The following ZFP30 variants were observed in gnomAD, a reference collection of about 807,000 sequenced individuals.
ZFP30 encodes zinc finger protein 30 homolog.
Under a neutral mutation model 12.3 loss-of-function variants are expected in ZFP30, and 16 were observed. The observed-to-expected ratio is 1.30, with a 90% confidence interval of 0.88 to 1.98. ZFP30 has a LOEUF of 1.98. ZFP30 is among the 30% of genes most tolerant of loss of function. ZFP30 has a pLI of 0.00. For synonymous variants in ZFP30, 172 were observed against 201.0 expected, an observed-to-expected ratio of 0.86 and a Z score of 1.22; for missense variants, 560 against 611.2, an observed-to-expected ratio of 0.92 and a Z score of 0.88.
At chr19:37,648,823 C>T (rs908943351) in intron 2 of ZFP30, among the ~76,000 whole-genome samples, 3 of 152,156 alleles carry the variant, frequency 2.0e-5, no homozygotes, top group Non-Finnish European at 4.4e-5. Context: ...CTCTCTGCTC[C>T]TTATTTTCCT....
intron 3 of ZFP30, among the ~76,000 whole-genome samples, chr19:37,647,220 C>A (rs775563739): frequency 3.6e-4 from 55 of 152,270 alleles, no homozygotes; most frequent in Middle Eastern, 6.8e-3. Context: ...AGATAAGGAG[C>A]ACACAAGAGA....
At chr19:37,640,361 T>A (rs1225211555) in intron 5 of ZFP30, among the ~76,000 whole-genome samples, 1 of 150,860 alleles carries the variant, frequency 6.6e-6, no homozygotes, top group Non-Finnish European at 1.5e-5. Context: ...CAAAAACATG[T>A]ATGTAAAATA....
In ZFP30 at chr19:37,654,713, G is replaced by A. The variant is rs190129078; in HGVS notation, c.-79C>T. 2 of 152,404 alleles carry A rather than the reference G, an allele frequency of 1.3e-5. No individual in the cohort carries two copies. The highest frequency in any genetic ancestry group is 1.3e-4 in the Admixed American group (2 of 15,300). The allele number at this position is 152,404 out of a possible 1,614,324, so 9.4% of individuals were successfully genotyped here. On this transcript the variant is annotated splice_region_variant and 5_prime_UTR_variant, in exon 2 of 6. Transcript: ENST00000684514. ...AACAAAGCAGCAGCACGAACTCACAGGGAACCGGCTTTTAGAAGAGCAGCA... is the reference window on the plus strand; with the variant it reads ...AACAAAGCAGCAGCACGAACTCACAAGGAACCGGCTTTTAGAAGAGCAGCA...
At position 37,635,448 on chromosome 19, in the gene ZFP30, G is replaced by T. The variant is rs530377100; in HGVS notation, c.1093C>A (p.Arg365Ser). 4.3e-6 allele frequency: 7 copies of T among 1,613,982 alleles called. No homozygotes were observed. Among genetic ancestry groups the T allele is most frequent in the African/African-American group, 1.3e-5 (1 of 74,918 alleles). Residue 365 changes from arginine (R) to serine (S), a missense_variant, in exon 6 of 6, where the codon CGT (arginine) becomes AGT (serine). Transcript: ENST00000684514. ...TGATGGAGAGTTAGATGATAGCCAC[G>T]ACTGAAAGTCTTCCCACATTCCTTA... ...DCKECGKTFS[R>S]GYHLTLHQRI...
intron 2 of ZFP30, among the ~76,000 whole-genome samples, chr19:37,649,830 AAAAG>A (rs1568387336): frequency 1.4e-5 from 1 of 70,898 alleles, no homozygotes; most frequent in African/African-American, 4.4e-5. Context: ...TCTTAAAAAA[AAAAG>A]AAAGAAAAGA....
chr19:37,650,454 A>G (rs1289370471), intron 2 of ZFP30, among the ~76,000 whole-genome samples: 1 of 152,162 alleles, frequency 6.6e-6, no homozygotes, highest in Non-Finnish European at 1.5e-5. Flanking sequence ...ACAAAAATTC[A>G]AAACAGCTAT....
At chr19:37,644,801 T>C (rs1029382796) in intron 3 of ZFP30, 65 bp from the exon 4 acceptor site, 5 of 1,529,278 alleles carry the variant, frequency 3.3e-6, no homozygotes, top group Non-Finnish European at 4.4e-6. Flanking sequence ...TGGAAGAAGG[T>C]GGCTGGGTGT....
chr19:37,650,347 C>T (rs2044624675), intron 2 of ZFP30, among the ~76,000 whole-genome samples: 2 of 152,152 alleles, frequency 1.3e-5, no homozygotes, highest in South Asian at 4.1e-4. Context: ...TCAAGTGATC[C>T]ACCTGCCTCC....
chr19:37,635,754 TCCTTTGATG>T lies in ZFP30; in HGVS notation c.778_786del (p.His260_Arg262del). The T allele has an allele frequency of 6.2e-7, 1 of 1,614,222 alleles. No individual in the cohort carries two copies. On this transcript the variant is annotated inframe_deletion, in exon 6 of 6. Coordinates refer to ENST00000684514, the MANE Select transcript of ZFP30 (RefSeq NM_001320669.3). The stretch of plus-strand genomic sequence containing the variant: ...TCATAGGGTTTCTCACCCGTGTGAA[TCCTTTGATG>T]GAGATTAAGTTGTCCTCTAACTCTA...
At chr19:37,654,432 C>G (rs2147298792) in intron 2 of ZFP30, among the ~76,000 whole-genome samples, 1 of 152,268 alleles carries the variant, frequency 6.6e-6, no homozygotes, top group South Asian at 2.1e-4. Flanking sequence ...ACATTAATCT[C>G]CAGCACGGGT....
rs748702099 is a variant in ZFP30, at chr19:37,636,252, C to T, written c.289G>A (p.Glu97Lys). ...KKLFQGKDIY[E>K]MNLSQWKVME... The stretch of plus-strand genomic sequence containing the variant: ...ACCTTCCACTGAGATAAGTTCATTT[C>T]ATAAATATCCTTTCCTTGAAATAAC... Residue 97 changes from glutamate to lysine, a missense_variant, in exon 6 of 6, where the codon GAA becomes AAA. By Grantham distance (56) the Glu-to-Lys change is moderately conservative (BLOSUM62 1). Transcript: ENST00000684514. 6 of 1,605,698 alleles carry T rather than the reference C, an allele frequency of 3.7e-6. No individual in the cohort carries two copies. The highest frequency in any genetic ancestry group is 5.1e-6 in the Non-Finnish European group (6 of 1,177,012).
chr19:37,648,771 C>T (rs765118793), intron 2 of ZFP30, among the ~76,000 whole-genome samples: 91 of 152,312 alleles, frequency 6.0e-4, no homozygotes, highest in Non-Finnish European at 1.1e-3. Flanking sequence ...GGCAAAACTG[C>T]AGGTGCACAT....
chr19:37,645,679 T>C (rs2044529631), intron 3 of ZFP30, among the ~76,000 whole-genome samples: 3 of 151,708 alleles, frequency 2.0e-5, no homozygotes, highest in Non-Finnish European at 4.4e-5. Context: ...AATAGGTTCA[T>C]AGGAACAGTA....
chr19:37,645,906 T>C (rs1356794848), intron 3 of ZFP30, among the ~76,000 whole-genome samples: 3 of 152,136 alleles, frequency 2.0e-5, no homozygotes, highest in Admixed American at 6.6e-5. Context: ...TTATAACAGA[T>C]TCTTTATTTA....
rs1185339324 is a variant in ZFP30, at chr19:37,643,352, T to A, written c.148A>T (p.Ile50Phe). ...SNLVSLAGCS[I>F]SKPDVITLLE... ...AGGGTGATCACATCTGGCTTAGAAA[T>A]AGAACATCCTGCTTAAAAATAAATA... The change falls in exon 5 of 6, where the codon ATT (isoleucine) becomes TTT (phenylalanine). Residue 50 changes from isoleucine to phenylalanine, a missense_variant. Physicochemically the swap from Ile to Phe is conservative, Grantham distance 21 (BLOSUM62 0). Transcript: ENST00000684514. The A allele has an allele frequency of 1.9e-6, 3 of 1,582,918 alleles. No individual in the cohort carries two copies. Among genetic ancestry groups the A allele is most frequent in the Non-Finnish European group, 2.6e-6 (3 of 1,166,328 alleles).
intron 2 of ZFP30, among the ~76,000 whole-genome samples, chr19:37,650,055 A>G (rs996899237): frequency 6.6e-6 from 1 of 151,376 alleles, no homozygotes; most frequent in African/African-American, 2.4e-5. Flanking sequence ...ATAAAATTTT[A>G]TTGTTACCTT....
chr19:37,645,673 G>A (rs931055019), intron 3 of ZFP30, among the ~76,000 whole-genome samples: 2 of 150,696 alleles, frequency 1.3e-5, no homozygotes, highest in African/African-American at 4.9e-5. Context: ...AACTGAAATA[G>A]GTTCATAGGA....
chr19:37,655,537 C>T (rs1449961213), upstream of ZFP30: 1 of 152,348 alleles, frequency 6.6e-6, no homozygotes, highest in Non-Finnish European at 1.5e-5. Flanking sequence ...CGCAGCTGCT[C>T]CGGGCCGGGA....
chr19:37,655,376 A>G (rs1386767545), intron 1 of ZFP30, 44 bp downstream of exon 1: 3 of 152,598 alleles, frequency 2.0e-5, no homozygotes, highest in African/African-American at 7.2e-5. Flanking sequence ...TCCCTCAGAA[A>G]AGCAGCGGCC....
Sources: gnomAD v4.1 joint callset for allele counts (sites outside exome capture counted in the v4.1 genomes callset) on GRCh38, gnomAD v4.1.1 for gene constraint, MANE v1.5 for transcripts, NCBI Gene and HGNC (gene_info 2026-07-23, HGNC 2026-07-21) for gene names.